SOX6: variants seen among roughly 807,000 people sequenced by gnomAD.
SOX6 encodes the protein transcription factor SOX-6.
Under a neutral mutation model 97.8 loss-of-function variants are expected in SOX6, and 11 were observed. That is an observed-to-expected ratio of 0.11 (90% CI 0.07 to 0.19). SOX6 has a LOEUF of 0.19. Ranked by LOEUF, SOX6 falls within the 10% of genes least tolerant of loss-of-function variation. SOX6 has a pLI of 1.00. For missense variants in SOX6, 810 were observed against 1,039.5 expected (o/e 0.78, Z 3.04); for synonymous variants, 360 against 371.4 (o/e 0.97, Z 0.35).
chr11:16,029,173 TCTAA>T (rs1855291504), intron 12 of SOX6, among the ~76,000 whole-genome samples: 1 of 152,190 alleles, frequency 6.6e-6, no homozygotes, highest in African/African-American at 2.4e-5. Flanking sequence ...GGTTAAAATC[TCTAA>T]GTGAAATAAA....
intron 4 of SOX6, among the ~76,000 whole-genome samples, chr11:16,501,131 A>G (rs544152123): frequency 6.6e-6 from 1 of 152,342 alleles, no homozygotes. Context: ...AATGGAACAG[A>G]ACAGAGCTCT....
At chr11:16,738,409 C>G (rs1848411643) in intron 1 of SOX6, 2 of 289,754 alleles carry the variant, frequency 6.9e-6, no homozygotes, top group South Asian at 1.0e-4. Flanking sequence ...CGACAAAGCT[C>G]TCGGCCAACG....
At chr11:16,733,181 G>A (rs1385807843) in intron 2 of SOX6, among the ~76,000 whole-genome samples, 1 of 152,196 alleles carries the variant, frequency 6.6e-6, no homozygotes, top group East Asian at 1.9e-4. Context: ...ATTCCTCAAG[G>A]ATCTAGAACA....
chr11:16,240,174 G>C (rs887890453), intron 3 of SOX6, among the ~76,000 whole-genome samples: 3 of 151,912 alleles, frequency 2.0e-5, no homozygotes, highest in African/African-American at 7.3e-5. Context: ...TTTAGTTCCT[G>C]TGAAATTCTG....
At chr11:16,114,852 G>C (rs890111923) in intron 6 of SOX6, among the ~76,000 whole-genome samples, 7 of 151,910 alleles carry the variant, frequency 4.6e-5, no homozygotes, top group Non-Finnish European at 8.8e-5. Flanking sequence ...CAGATCATGA[G>C]ACAACAGAAA....
intron 3 of SOX6, among the ~76,000 whole-genome samples, chr11:16,713,951 C>T (rs550909886): frequency 3.0e-4 from 45 of 152,136 alleles, no homozygotes; most frequent in Admixed American, 1.0e-3. Context: ...CACGATTCTG[C>T]CCATGTGTGA....
At chr11:16,034,113 A>C (rs1185009889) in intron 12 of SOX6, among the ~76,000 whole-genome samples, 1 of 152,202 alleles carries the variant, frequency 6.6e-6, no homozygotes, top group Non-Finnish European at 1.5e-5. Context: ...TTGATATTTT[A>C]ATCTCAACAT....
At chr11:16,094,885 C>T (rs1848761608) in intron 9 of SOX6, among the ~76,000 whole-genome samples, 4 of 151,864 alleles carry the variant, frequency 2.6e-5, no homozygotes, top group Non-Finnish European at 4.4e-5. Flanking sequence ...CCTTAGGCTA[C>T]TTCCAAGGGG....
chr11:16,003,534 T>G (rs2119920359), intron 13 of SOX6, among the ~76,000 whole-genome samples: 1 of 152,166 alleles, frequency 6.6e-6, no homozygotes, highest in East Asian at 1.9e-4. Context: ...AAAACAGTGG[T>G]GACTGCATTG....
chr11:16,302,090 C>A (rs1034794024), intron 3 of SOX6, among the ~76,000 whole-genome samples: 4 of 152,104 alleles, frequency 2.6e-5, no homozygotes, highest in African/African-American at 9.7e-5. Context: ...CCTGCCATTG[C>A]CTTAGTTTAG....
intron 9 of SOX6, among the ~76,000 whole-genome samples, chr11:16,083,454 A>G (rs1322536430): frequency 6.6e-6 from 1 of 152,208 alleles, no homozygotes; most frequent in Non-Finnish European, 1.5e-5. Context: ...GTTAATGAAT[A>G]ATTTTCATTA....
intron 3 of SOX6, among the ~76,000 whole-genome samples, chr11:16,689,971 CT>C (rs1379950746): frequency 6.6e-6 from 1 of 151,176 alleles, no homozygotes; most frequent in Non-Finnish European, 1.5e-5. Flanking sequence ...GTCACCCAGG[CT>C]AGAGTGCAGC....
intron 4 of SOX6, among the ~76,000 whole-genome samples, chr11:16,201,530 A>G (rs1052011155): frequency 1.3e-5 from 2 of 150,452 alleles, no homozygotes; most frequent in African/African-American, 4.9e-5. Context: ...ATATATAGAT[A>G]GATATAACTC....
At chr11:16,231,950 A>T (rs1852864894) in intron 4 of SOX6, among the ~76,000 whole-genome samples, 1 of 151,868 alleles carries the variant, frequency 6.6e-6, no homozygotes, top group Non-Finnish European at 1.5e-5. Context: ...AAATGGAAAG[A>T]ATATACAATA....
intron 6 of SOX6, among the ~76,000 whole-genome samples, chr11:16,123,237 G>A (rs1411216766): frequency 1.3e-5 from 2 of 151,996 alleles, no homozygotes; most frequent in Non-Finnish European, 2.9e-5. Flanking sequence ...ATATCACTGT[G>A]AGCTCATTAT....
chr11:16,325,298 T>G (rs922548792), intron 2 of SOX6, among the ~76,000 whole-genome samples: 1 of 152,148 alleles, frequency 6.6e-6, no homozygotes, highest in South Asian at 2.1e-4. Flanking sequence ...ATTATTTATA[T>G]GTGTGCATAA....
chr11:16,257,344 A>T (rs1853724486), intron 3 of SOX6, among the ~76,000 whole-genome samples: 1 of 151,888 alleles, frequency 6.6e-6, no homozygotes, highest in African/African-American at 2.4e-5. Flanking sequence ...ACTGTGTGGT[A>T]CTGGTAAAAG....
At chr11:16,223,574 G>T (rs1019591227) in intron 4 of SOX6, among the ~76,000 whole-genome samples, 1 of 152,124 alleles carries the variant, frequency 6.6e-6, no homozygotes, top group African/African-American at 2.4e-5. Context: ...GCTGTCTTCA[G>T]TTCTGGGTTT....
intron 13 of SOX6, among the ~76,000 whole-genome samples, chr11:15,997,248 T>C (rs1485009207): frequency 6.6e-6 from 1 of 152,132 alleles, no homozygotes; most frequent in East Asian, 1.9e-4. Context: ...GAAGAACTTA[T>C]CCACAAAGAA....
Sources: gnomAD v4.1 joint callset for allele counts (sites outside exome capture counted in the v4.1 genomes callset) on GRCh38, gnomAD v4.1.1 for gene constraint, MANE v1.5 for transcripts, NCBI Gene and HGNC (gene_info 2026-07-23, HGNC 2026-07-21) for gene names.